Variants in TBL1X observed in about 807,000 individuals in gnomAD.
TBL1X encodes F-box-like/WD repeat-containing protein TBL1X.
TBL1X carries 10 observed loss-of-function variants against 50.7 expected under a neutral mutation model. The observed-to-expected ratio is 0.20, with a 90% confidence interval of 0.12 to 0.33. The LOEUF is 0.33. Ranked by LOEUF, TBL1X falls within the 10% of genes least tolerant of loss-of-function variation. The pLI, the probability that TBL1X is intolerant of heterozygous loss-of-function variation, is 1.00. For synonymous variants in TBL1X, 190 were observed against 214.7 expected, an observed-to-expected ratio of 0.88 and a Z score of 1.01; for missense variants, 340 against 504.4, an observed-to-expected ratio of 0.67 and a Z score of 3.12.
At chrX:9,656,994 G>A (rs755536137) in intron 5 of TBL1X, among the ~76,000 whole-genome samples, 26 of 111,687 alleles carry the variant, frequency 2.3e-4, no homozygotes, top group African/African-American at 8.5e-4. Flanking sequence ...TCTTACTCCT[G>A]CACCCCACCA....
intron 6 of TBL1X, among the ~76,000 whole-genome samples, chrX:9,686,410 G>T (rs2146631532): frequency 8.9e-6 from 1 of 112,604 alleles, no homozygotes; most frequent in Non-Finnish European, 1.9e-5. Flanking sequence ...TCATTAAAAA[G>T]TGAGACGCCA....
intron 2 of TBL1X, among the ~76,000 whole-genome samples, chrX:9,572,595 TA>T (rs1421114034): frequency 8.8e-6 from 1 of 113,045 alleles, no homozygotes; most frequent in Non-Finnish European, 1.9e-5. Context: ...GAGTTTGTTC[TA>T]GCATGTTATC....
At chrX:9,518,576 C>A in intron 2 of TBL1X, among the ~76,000 whole-genome samples, 1 of 111,866 alleles carries the variant, frequency 8.9e-6, no homozygotes, top group East Asian at 2.8e-4. Context: ...TTGTTGCTGG[C>A]TTTGTCCTAT....
chrX:9,629,925 G>A (rs1287969805), intron 2 of TBL1X, among the ~76,000 whole-genome samples: 1 of 111,175 alleles, frequency 9.0e-6, no homozygotes, highest in Admixed American at 9.6e-5. Context: ...TGGAATGCCA[G>A]TCCCGCTCTT....
intron 5 of TBL1X, among the ~76,000 whole-genome samples, chrX:9,678,176 A>G (rs947910017): frequency 9.0e-6 from 1 of 111,139 alleles, no homozygotes; most frequent in African/African-American, 3.3e-5. Context: ...TTTTCTGGAT[A>G]TTTTTGATCT....
chrX:9,528,803 C>T (rs1331935061), intron 2 of TBL1X, among the ~76,000 whole-genome samples: 1 of 110,035 alleles, frequency 9.1e-6, no homozygotes, highest in East Asian at 2.9e-4. Flanking sequence ...CTCTGGGTCT[C>T]GGCTTGTCCT....
chrX:9,536,536 C>T (rs1023888817), intron 2 of TBL1X, among the ~76,000 whole-genome samples: 2 of 111,555 alleles, frequency 1.8e-5, no homozygotes, highest in Admixed American at 1.9e-4. Context: ...AGGAGTGAGC[C>T]ATTGTGCCTG....
At chrX:9,520,782 C>T (rs760013781) in intron 2 of TBL1X, among the ~76,000 whole-genome samples, 2 of 110,751 alleles carry the variant, frequency 1.8e-5, no homozygotes, top group East Asian at 5.7e-4. Flanking sequence ...CTAGGGGAGA[C>T]TTGTGGTTGA....
chrX:9,472,626 T>A (rs2081823903), intron 1 of TBL1X, among the ~76,000 whole-genome samples: 1 of 110,099 alleles, frequency 9.1e-6, no homozygotes, highest in Non-Finnish European at 1.9e-5. Flanking sequence ...CCATATAAAA[T>A]AATTTTAAGA....
At chrX:9,654,166 A>G in intron 4 of TBL1X, 49 bp from the exon 5 acceptor site, 1 of 1,101,187 alleles carries the variant, frequency 9.1e-7, no homozygotes, top group Admixed American at 2.8e-5. Flanking sequence ...AAAAAAAAAA[A>G]GAGAAAAATA....
intron 1 of TBL1X, among the ~76,000 whole-genome samples, chrX:9,486,532 C>G (rs934798626): frequency 6.3e-5 from 7 of 110,838 alleles, no homozygotes; most frequent in African/African-American, 2.3e-4. Context: ...CCAGGCCTTG[C>G]CGATAATAAC....
chrX:9,556,065 T>C (rs2082296433), intron 2 of TBL1X, among the ~76,000 whole-genome samples: 2 of 109,801 alleles, frequency 1.8e-5, no homozygotes, highest in African/African-American at 3.3e-5. Context: ...GGCACACACC[T>C]GTGGTCCCAG....
chrX:9,483,403 G>T (rs1024986249), intron 1 of TBL1X, among the ~76,000 whole-genome samples: 5 of 112,293 alleles, frequency 4.5e-5, no homozygotes, highest in African/African-American at 1.6e-4. Flanking sequence ...AAACCCTTTA[G>T]AAGTATTCAT....
chrX:9,567,666 A>G (rs890220270), intron 2 of TBL1X, among the ~76,000 whole-genome samples: 4 of 112,055 alleles, frequency 3.6e-5, no homozygotes, highest in African/African-American at 1.3e-4. Flanking sequence ...TGGATGGGGC[A>G]TACTGTTCTG....
At chrX:9,547,749 A>G (rs2082252030) in intron 2 of TBL1X, among the ~76,000 whole-genome samples, 1 of 108,024 alleles carries the variant, frequency 9.3e-6, no homozygotes, top group Admixed American at 1.0e-4. Flanking sequence ...TTTAAAAACC[A>G]GGAACTGAGA....
intron 3 of TBL1X, among the ~76,000 whole-genome samples, chrX:9,652,825 T>C (rs1474614499): frequency 1.0e-5 from 1 of 95,713 alleles, no homozygotes; most frequent in Non-Finnish European, 2.0e-5. Flanking sequence ...CTCTCCAGCC[T>C]GGGCAACACT....
intron 2 of TBL1X, among the ~76,000 whole-genome samples, chrX:9,570,661 A>AT (rs1187119015): frequency 5.7e-5 from 5 of 87,191 alleles, no homozygotes; most frequent in East Asian, 7.7e-4. Flanking sequence ...TGGTTTCCAG[A>AT]TTTTTTTTTT....
intron 1 of TBL1X, among the ~76,000 whole-genome samples, chrX:9,496,668 A>G (rs758881922): frequency 8.9e-6 from 1 of 112,070 alleles, no homozygotes; most frequent in Non-Finnish European, 1.9e-5. Context: ...AGAGAAATCC[A>G]CTATCTCTCA....
At chrX:9,637,114 C>T (rs1422000143) in intron 2 of TBL1X, 1 of 112,231 alleles carries the variant, frequency 8.9e-6, no homozygotes, top group Non-Finnish European at 1.9e-5. Flanking sequence ...AGACTGCCTA[C>T]TCATAAATAC....
Sources: allele counts gnomAD v4.1 joint callset (sites outside exome capture counted in the v4.1 genomes callset), GRCh38; gene constraint gnomAD v4.1.1; transcripts MANE v1.5; gene names NCBI Gene and HGNC (gene_info 2026-07-23, HGNC 2026-07-21).